Variants in CLMP observed in about 807,000 individuals in gnomAD.
The protein encoded by CLMP is CXADR like cell adhesion molecule.
CLMP carries 27 observed loss-of-function variants against 45.2 expected under a neutral mutation model. The ratio of observed to expected loss-of-function variants is 0.60; its 90% CI spans 0.44 to 0.82. CLMP has a LOEUF of 0.82. Ranked by LOEUF, CLMP falls within the 40% of genes least tolerant of loss-of-function variation. The pLI, the probability that CLMP is intolerant of heterozygous loss-of-function variation, is 0.00. For synonymous variants in CLMP, 167 were observed against 171.4 expected (o/e 0.97, Z 0.20); for missense variants, 403 against 448.4 (o/e 0.90, Z 0.91).
intron 1 of CLMP, among the ~76,000 whole-genome samples, chr11:123,184,126 G>T (rs556630619): frequency 6.6e-6 from 1 of 151,946 alleles, no homozygotes; most frequent in South Asian, 2.1e-4. Context: ...GATTAATTTC[G>T]CTTTGTCGCC....
intron 1 of CLMP, among the ~76,000 whole-genome samples, chr11:123,109,206 G>A (rs1431386060): frequency 2.6e-5 from 4 of 152,178 alleles, no homozygotes; most frequent in African/African-American, 9.7e-5. Context: ...ATCAGGCAAG[G>A]ATGGTGTTAA....
At chr11:123,136,024 GTGC>G in intron 1 of CLMP, 1 of 581,080 alleles carries the variant, frequency 1.7e-6, no homozygotes, top group Admixed American at 1.9e-5. Flanking sequence ...TTGATTTCCG[GTGC>G]TGCTTTGTTC....
At chr11:123,166,628 T>C (rs1467313188) in intron 1 of CLMP, among the ~76,000 whole-genome samples, 2 of 152,216 alleles carry the variant, frequency 1.3e-5, no homozygotes, top group East Asian at 3.9e-4. Context: ...TTTTAGGTCT[T>C]CCTGACTTTC....
chr11:123,151,433 A>G, intron 1 of CLMP, among the ~76,000 whole-genome samples: 1 of 152,186 alleles, frequency 6.6e-6, no homozygotes, highest in East Asian at 1.9e-4. Context: ...AGCCTCTGCT[A>G]TTTATGTTCA....
chr11:123,081,591 C>T (rs1865804038), intron 5 of CLMP, among the ~76,000 whole-genome samples: 1 of 152,234 alleles, frequency 6.6e-6, no homozygotes, highest in South Asian at 2.1e-4. Context: ...CTCTAAGAGG[C>T]CAGGTGGCGT....
intron 1 of CLMP, among the ~76,000 whole-genome samples, chr11:123,192,329 A>G (rs1477996652): frequency 6.6e-6 from 1 of 152,158 alleles, no homozygotes; most frequent in Non-Finnish European, 1.5e-5. Flanking sequence ...GAATTATAGA[A>G]ATTTTGAATT....
At chr11:123,092,938 C>T (rs1443082544) in intron 2 of CLMP, among the ~76,000 whole-genome samples, 1 of 143,538 alleles carries the variant, frequency 7.0e-6, no homozygotes, top group Non-Finnish European at 1.5e-5. Flanking sequence ...GATGTTGTCT[C>T]ATGCTGTCGC....
Position 123,073,680 on chromosome 11 carries a change from A to G in CLMP, c.916T>C (p.Ser306Pro), listed in dbSNP as rs762376722. Residue 306 changes from serine (S) to proline (P), a missense_variant, in exon 7 of 7, where the codon TCC becomes CCC. Physicochemically the swap from Ser to Pro is moderately conservative, Grantham distance 74. Transcript: ENST00000448775. ...CTGCGTGAGGCACTATTTGCTGTGG[A>G]GCGAGTGGAGGAAGAACCAGAGCGT... ...SSRSGSSSTR[S>P]TANSASRSQR... is the part of the protein sequence containing the mutation. 6.2e-7 allele frequency: 1 copy of G among 1,614,196 alleles called. No individual in the cohort carries two copies. Among genetic ancestry groups the G allele is most frequent in the South Asian group, 1.1e-5 (1 of 91,084 alleles).
chr11:123,149,718 G>A (rs950305540), intron 1 of CLMP, among the ~76,000 whole-genome samples: 2 of 152,142 alleles, frequency 1.3e-5, no homozygotes, highest in African/African-American at 4.8e-5. Flanking sequence ...GAACAAGTGG[G>A]GAAATGGGAG....
chr11:123,135,097 T>A (rs1861051863), intron 1 of CLMP, among the ~76,000 whole-genome samples: 1 of 151,796 alleles, frequency 6.6e-6, no homozygotes, highest in Non-Finnish European at 1.5e-5. Flanking sequence ...CCGTCTCTAC[T>A]AAAAATACAA....
At chr11:123,088,803 T>A (rs1254108812) in intron 2 of CLMP, among the ~76,000 whole-genome samples, 1 of 152,048 alleles carries the variant, frequency 6.6e-6, no homozygotes, top group African/African-American at 2.4e-5. Context: ...TTTGTATTTT[T>A]AGTAGAGACG....
intron 1 of CLMP, among the ~76,000 whole-genome samples, chr11:123,177,585 A>C (rs1218289749): frequency 6.6e-6 from 1 of 152,198 alleles, no homozygotes; most frequent in East Asian, 1.9e-4. Flanking sequence ...ACAAATCATC[A>C]AACTACAAAG....
In CLMP at chr11:123,195,131, C is replaced by T. The variant is rs548524877; in HGVS notation, c.-191G>A. The stretch of plus-strand genomic sequence containing the variant: ...TGGGGGCAGATGGGCTCCCGGCGCT[C>T]GCCCCACCAGCTGGCGCCCGGACGG... On this transcript the variant is annotated 5_prime_UTR_variant, in exon 1 of 7. Coordinates refer to ENST00000448775, the MANE Select transcript of CLMP (RefSeq NM_024769.5). The T allele has an allele frequency of 2.0e-3, 661 of 328,384 alleles. 3 individuals carry two copies. The highest frequency in any genetic ancestry group is 0.012 in the African/African-American group (578 of 46,502). 20.3% of individuals were successfully genotyped at this position (328,384 alleles called of 1,614,324 possible). A position where few individuals can be genotyped will look rare whatever the true frequency, so the allele number is the denominator to read the frequency against.
intron 3 of CLMP, 86 bp downstream of exon 3, chr11:123,084,425 GT>G: frequency 9.1e-7 from 1 of 1,098,052 alleles, no homozygotes; most frequent in Non-Finnish European, 1.4e-6. Context: ...TGAACATGAT[GT>G]TTTGTACCAC....
intron 5 of CLMP, among the ~76,000 whole-genome samples, chr11:123,081,417 A>G (rs141395682): frequency 4.2e-4 from 63 of 151,674 alleles, no homozygotes; most frequent in African/African-American, 1.5e-3. Flanking sequence ...TAACACTGCA[A>G]ACATGGCTTG....
chr11:123,129,916 A>ATT (rs1860960699), intron 1 of CLMP, among the ~76,000 whole-genome samples: 1 of 127,808 alleles, frequency 7.8e-6, no homozygotes, highest in Non-Finnish European at 1.7e-5. Context: ...ATCAAAACAC[A>ATT]CTTTTTTTTT....
chr11:123,137,817 T>G (rs1861100623), intron 1 of CLMP, among the ~76,000 whole-genome samples: 1 of 152,106 alleles, frequency 6.6e-6, no homozygotes, highest in Non-Finnish European at 1.5e-5. Context: ...TGAAACCACA[T>G]GTGCTGGAGG....
At chr11:123,152,523 AAAATAAATAAATAAAT>A (rs59307398) in intron 1 of CLMP, among the ~76,000 whole-genome samples, 23 of 142,790 alleles carry the variant, frequency 1.6e-4, no homozygotes, top group African/African-American at 3.9e-4. Context: ...ACTCCATCTC[AAAATAAATAAATAAAT>A]AAATAAATAA....
chr11:123,176,176 T>G (rs1861696961), intron 1 of CLMP, among the ~76,000 whole-genome samples: 1 of 152,258 alleles, frequency 6.6e-6, no homozygotes, highest in South Asian at 2.1e-4. Flanking sequence ...TCTTTGTTTT[T>G]GAAATTCTGC....
Sources: gnomAD v4.1 joint callset for allele counts (sites outside exome capture counted in the v4.1 genomes callset) on GRCh38, gnomAD v4.1.1 for gene constraint, MANE v1.5 for transcripts, NCBI Gene and HGNC (gene_info 2026-07-23, HGNC 2026-07-21) for gene names.